KCND2: variants seen among roughly 807,000 people sequenced by gnomAD.
KCND2 encodes the protein potassium voltage-gated channel subfamily D member 2.
A neutral mutation model predicts 54.4 loss-of-function variants in KCND2; 16 were observed. The observed-to-expected ratio is 0.29, with a 90% confidence interval of 0.20 to 0.45. KCND2 has a LOEUF of 0.45. Ranked by LOEUF, KCND2 falls within the 20% of genes least tolerant of loss-of-function variation. The pLI, the probability that KCND2 is intolerant of heterozygous loss-of-function variation, is 1.00. For missense variants in KCND2, 486 were observed against 824.2 expected (o/e 0.59, Z 5.02); for synonymous variants, 317 against 310.7 (o/e 1.02, Z -0.21).
At chr7:120,445,832 G>A (rs1195540059) in intron 1 of KCND2, among the ~76,000 whole-genome samples, 1 of 152,018 alleles carries the variant, frequency 6.6e-6, no homozygotes, top group Non-Finnish European at 1.5e-5. Context: ...GACTTGATTT[G>A]TAAATCTCAG....
intron 1 of KCND2, among the ~76,000 whole-genome samples, chr7:120,294,852 A>G (rs1049671139): frequency 2.0e-5 from 3 of 151,780 alleles, no homozygotes; most frequent in African/African-American, 4.8e-5. Flanking sequence ...ATATACATAC[A>G]CACATATGTA....
At chr7:120,403,094 G>T (rs1054559700) in intron 1 of KCND2, among the ~76,000 whole-genome samples, 1 of 152,138 alleles carries the variant, frequency 6.6e-6, no homozygotes, top group Non-Finnish European at 1.5e-5. Flanking sequence ...AGATGACTTA[G>T]CCAAAGCTCC....
intron 1 of KCND2, among the ~76,000 whole-genome samples, chr7:120,447,581 T>G (rs1802035117): frequency 6.6e-6 from 1 of 152,126 alleles, no homozygotes; most frequent in African/African-American, 2.4e-5. Context: ...ATGAAAGTCC[T>G]GTCTGTGAGA....
At chr7:120,281,962 A>T (rs573681715) in intron 1 of KCND2, among the ~76,000 whole-genome samples, 1 of 152,124 alleles carries the variant, frequency 6.6e-6, no homozygotes, top group South Asian at 2.1e-4. Flanking sequence ...TCTCTTTTTG[A>T]CTGGGAAGGG....
chr7:120,384,910 T>C (rs972734518), intron 1 of KCND2, among the ~76,000 whole-genome samples: 1 of 151,896 alleles, frequency 6.6e-6, no homozygotes, highest in African/African-American at 2.4e-5. Context: ...GGAAGACGAG[T>C]TGTATTTTAT....
At chr7:120,644,562 T>A (rs1196546446) in intron 1 of KCND2, among the ~76,000 whole-genome samples, 2 of 152,194 alleles carry the variant, frequency 1.3e-5, no homozygotes, top group Admixed American at 1.3e-4. Flanking sequence ...GCAAAGATTT[T>A]GTTTCTCATC....
intron 1 of KCND2, among the ~76,000 whole-genome samples, chr7:120,642,631 G>C (rs1016402067): frequency 1.3e-5 from 2 of 151,254 alleles, no homozygotes; most frequent in Non-Finnish European, 3.0e-5. Flanking sequence ...GTTTCAGATA[G>C]TTTAAAGGGT....
chr7:120,650,127 G>A (rs941743843), intron 1 of KCND2, among the ~76,000 whole-genome samples: 1 of 149,930 alleles, frequency 6.7e-6, no homozygotes, highest in Non-Finnish European at 1.5e-5. Flanking sequence ...TATCTTTGTG[G>A]CATTCTCTGT....
At chr7:120,677,586 T>A (rs1050142451) in intron 1 of KCND2, among the ~76,000 whole-genome samples, 7 of 150,094 alleles carry the variant, frequency 4.7e-5, no homozygotes, top group African/African-American at 1.5e-4. Context: ...TATAGATATA[T>A]AAAATACTCA....
At chr7:120,439,880 C>T (rs1801924225) in intron 1 of KCND2, among the ~76,000 whole-genome samples, 1 of 151,976 alleles carries the variant, frequency 6.6e-6, no homozygotes, top group Non-Finnish European at 1.5e-5. Flanking sequence ...TGTATATCTA[C>T]ACTTTATCCC....
chr7:120,476,679 A>G lies in KCND2; in HGVS notation c.1115+200932A>G, dbSNP rs559411948. 5.3e-5 allele frequency among the ~76,000 whole-genome samples: 8 copies of G among 152,256 alleles called. No individual in the cohort carries two copies. In the South Asian group the frequency reaches 1.5e-3, roughly 28 times the overall value. On this transcript the variant is annotated intron_variant, in intron 1 of 5. Coordinates refer to ENST00000331113, the MANE Select transcript of KCND2 (RefSeq NM_012281.3). ...GAGGTAAGTGGCAAATATTGCTTTT[A>G]TCCATAACCTCACGAATTTCATCTT...
At chr7:120,321,612 A>G (rs1799894139) in intron 1 of KCND2, among the ~76,000 whole-genome samples, 1 of 152,094 alleles carries the variant, frequency 6.6e-6, no homozygotes, top group Non-Finnish European at 1.5e-5. Context: ...AATATCTCAT[A>G]TTAGAGATTA....
intron 1 of KCND2, among the ~76,000 whole-genome samples, chr7:120,689,698 G>A (rs1251379138): frequency 1.3e-5 from 2 of 152,110 alleles, no homozygotes; most frequent in South Asian, 2.1e-4. Flanking sequence ...GTGCTTCTTT[G>A]TAGCACGGAA....
At chr7:120,694,471 T>C (rs1479403090) in intron 1 of KCND2, among the ~76,000 whole-genome samples, 2 of 152,068 alleles carry the variant, frequency 1.3e-5, no homozygotes, top group Non-Finnish European at 2.9e-5. Context: ...CAGAACCAAG[T>C]TGGAGGACCG....
intron 1 of KCND2, among the ~76,000 whole-genome samples, chr7:120,607,189 TTG>T (rs1315942029): frequency 1.9e-4 from 4 of 21,160 alleles, no homozygotes; most frequent in East Asian, 8.6e-4. Flanking sequence ...AGATTAAGGT[TTG>T]TTTTTTTTTT....
chr7:120,321,433 C>G (rs1196920395), intron 1 of KCND2, among the ~76,000 whole-genome samples: 1 of 151,864 alleles, frequency 6.6e-6, no homozygotes, highest in African/African-American at 2.4e-5. Context: ...TGCTCCTGGC[C>G]CAGGATTATT....
At chr7:120,629,535 C>T (rs1193901103) in intron 1 of KCND2, among the ~76,000 whole-genome samples, 2 of 152,076 alleles carry the variant, frequency 1.3e-5, no homozygotes, top group Non-Finnish European at 2.9e-5. Context: ...ATGACACAGA[C>T]GTTGTAAGCC....
intron 1 of KCND2, among the ~76,000 whole-genome samples, chr7:120,452,214 A>G (rs1006200296): frequency 6.6e-6 from 1 of 152,216 alleles, no homozygotes; most frequent in Non-Finnish European, 1.5e-5. Context: ...CTCTGGATTC[A>G]TGTTCTGGTT....
intron 1 of KCND2, among the ~76,000 whole-genome samples, chr7:120,387,835 TA>T (rs1801012053): frequency 6.6e-6 from 1 of 152,016 alleles, no homozygotes; most frequent in Non-Finnish European, 1.5e-5. Flanking sequence ...AATACATTAG[TA>T]TTTTAAAAAA....
Sources: allele counts gnomAD v4.1 joint callset (sites outside exome capture counted in the v4.1 genomes callset), GRCh38; gene constraint gnomAD v4.1.1; transcripts MANE v1.5; gene names NCBI Gene and HGNC (gene_info 2026-07-23, HGNC 2026-07-21).